The following PTPRG variants were observed in gnomAD, a reference collection of about 807,000 sequenced individuals.
The protein encoded by PTPRG is protein tyrosine phosphatase receptor type G.
A neutral mutation model predicts 165.3 loss-of-function variants in PTPRG; 102 were observed. The observed-to-expected ratio is 0.62, with a 90% CI of 0.53 to 0.73. PTPRG has a LOEUF of 0.73. PTPRG is among the 30% of genes least tolerant of loss of function. PTPRG has a pLI of 0.00. For missense variants in PTPRG, 1,866 were observed against 1,861.4 expected (o/e 1.00, Z -0.05); for synonymous variants, 675 against 669.5 (o/e 1.01, Z -0.13).
Position 61,743,002 on chromosome 3 carries a change from A to T in PTPRG, c.86-5876A>T, listed in dbSNP as rs143782418. 4.8e-4 allele frequency: 745 copies of T among 1,548,170 alleles called. 17 individuals carry two copies. In the East Asian group the frequency reaches 0.017, roughly 34 times the overall value. ...CTGGGGGTCATAGTTCTTCAAGCTGATCTGCAACTCCACCGTCTCCAGGAA... is the reference window on the plus strand; with the variant it reads ...CTGGGGGTCATAGTTCTTCAAGCTGTTCTGCAACTCCACCGTCTCCAGGAA... On this transcript the variant is annotated intron_variant, in intron 1 of 29. Transcript: ENST00000474889.
chr3:61,604,053 C>G (rs1226573338), intron 1 of PTPRG, among the ~76,000 whole-genome samples: 2 of 152,188 alleles, frequency 1.3e-5, no homozygotes, highest in African/African-American at 4.8e-5. Flanking sequence ...TGCCTGTAAA[C>G]CCAGCTCATG....
chr3:61,966,730 A>G (rs1254772679), intron 2 of PTPRG, among the ~76,000 whole-genome samples: 2 of 152,194 alleles, frequency 1.3e-5, no homozygotes, highest in East Asian at 1.9e-4. Flanking sequence ...AGCCAAATAG[A>G]CAGGTGGCTC....
intron 2 of PTPRG, among the ~76,000 whole-genome samples, chr3:61,988,930 T>C (rs76222792): frequency 0.045 from 6,877 of 152,306 alleles, 313 homozygotes; most frequent in East Asian, 0.13. Context: ...GCTTTCTTCA[T>C]TTATTTCTGT....
chr3:61,997,168 C>G (rs2041059021), intron 3 of PTPRG, among the ~76,000 whole-genome samples: 1 of 152,198 alleles, frequency 6.6e-6, no homozygotes, highest in Non-Finnish European at 1.5e-5. Flanking sequence ...TGAGGTTGCT[C>G]TTACTCAGCA....
intron 4 of PTPRG, among the ~76,000 whole-genome samples, chr3:62,049,743 A>G (rs540042227): frequency 9.3e-4 from 142 of 152,342 alleles, no homozygotes; most frequent in African/African-American, 3.3e-3. Flanking sequence ...TGGTAGGTCA[A>G]CGGGAATTCA....
Position 61,696,569 on chromosome 3 carries a change from A to G in PTPRG, c.86-52309A>G, listed in dbSNP as rs560871430. Among the ~76,000 whole-genome samples the G allele has an allele frequency of 2.0e-5, 3 of 152,344 alleles. No individual in the cohort carries two copies. In the South Asian group the frequency reaches 6.2e-4, roughly 32 times the overall value. ...GCAATGTGAGCCCACATTTGGTTTT[A>G]TAATCCTTTCTCACTGATGGACTGA... On this transcript the variant is annotated intron_variant, in intron 1 of 29. Coordinates refer to ENST00000474889, the MANE Select transcript of PTPRG (RefSeq NM_002841.4).
chr3:62,287,616 T>C (rs1382423529), intron 28 of PTPRG, among the ~76,000 whole-genome samples: 1 of 152,106 alleles, frequency 6.6e-6, no homozygotes, highest in Non-Finnish European at 1.5e-5. Context: ...AAGTTATCCA[T>C]GGGGCAATAA....
intron 4 of PTPRG, among the ~76,000 whole-genome samples, chr3:62,068,876 A>G (rs9864083): frequency 0.021 from 3,247 of 152,280 alleles, 103 homozygotes; most frequent in African/African-American, 0.075. Flanking sequence ...AACAGGAAAT[A>G]ATTAAGGATT....
chr3:61,752,802 G>GAAAAGAAAA (rs1553660820), intron 2 of PTPRG, among the ~76,000 whole-genome samples: 50,091 of 103,536 alleles, frequency 0.48, 11,113 homozygotes, highest in Non-Finnish European at 0.54. Flanking sequence ...AAAAAAAAAA[G>GAAAAGAAAA]AAAAAAAAAA....
At chr3:62,060,234 C>T (rs980927347) in intron 4 of PTPRG, among the ~76,000 whole-genome samples, 2 of 146,654 alleles carry the variant, frequency 1.4e-5, no homozygotes, top group Non-Finnish European at 3.0e-5. Flanking sequence ...AAAAAAAAAT[C>T]CTTCCTGCTG....
At chr3:61,685,703 C>G (rs1473633325) in intron 1 of PTPRG, among the ~76,000 whole-genome samples, 5 of 152,172 alleles carry the variant, frequency 3.3e-5, no homozygotes, top group African/African-American at 1.2e-4. Flanking sequence ...CTAGAGATAC[C>G]TCCACTATCT....
intron 1 of PTPRG, among the ~76,000 whole-genome samples, chr3:61,719,202 G>C (rs2031944884): frequency 6.6e-6 from 1 of 152,216 alleles, no homozygotes; most frequent in Non-Finnish European, 1.5e-5. Context: ...AATTGGATAT[G>C]AATTGTAGAA....
intron 2 of PTPRG, among the ~76,000 whole-genome samples, chr3:61,913,320 T>C (rs1315622833): frequency 6.6e-6 from 1 of 152,046 alleles, no homozygotes. Context: ...CCTGGGTTCA[T>C]GCCATTCTCC....
intron 5 of PTPRG, among the ~76,000 whole-genome samples, chr3:62,117,885 G>T (rs1325073001): frequency 6.6e-6 from 1 of 152,200 alleles, no homozygotes; most frequent in Non-Finnish European, 1.5e-5. Flanking sequence ...TTTGTTGAAT[G>T]TATGAATTAG....
intron 1 of PTPRG, among the ~76,000 whole-genome samples, chr3:61,610,399 C>T (rs1390219614): frequency 6.6e-6 from 1 of 152,092 alleles, no homozygotes; most frequent in African/African-American, 2.4e-5. Context: ...TTGTCATTGT[C>T]TCTTAGATTA....
At chr3:61,616,962 G>T (rs145697979) in intron 1 of PTPRG, among the ~76,000 whole-genome samples, 1 of 152,308 alleles carries the variant, frequency 6.6e-6, no homozygotes, top group Admixed American at 6.5e-5. Context: ...AGTAAGAGGG[G>T]CATAAAGTAG....
chr3:61,605,504 C>T (rs1171961182), intron 1 of PTPRG, among the ~76,000 whole-genome samples: 1 of 152,120 alleles, frequency 6.6e-6, no homozygotes, highest in African/African-American at 2.4e-5. Flanking sequence ...GATCTGTCCA[C>T]TTTGGCCTCC....
chr3:62,120,923 A>C (rs928823258), intron 5 of PTPRG, among the ~76,000 whole-genome samples: 3 of 151,754 alleles, frequency 2.0e-5, no homozygotes, highest in Non-Finnish European at 4.4e-5. Context: ...ATGCCTGCTT[A>C]TTTGGGAGAA....
intron 4 of PTPRG, among the ~76,000 whole-genome samples, chr3:62,070,311 G>T (rs1487563618): frequency 6.6e-6 from 1 of 152,182 alleles, no homozygotes; most frequent in Non-Finnish European, 1.5e-5. Context: ...ATTTACTCCA[G>T]CAGTTTAAAT....
Sources: gnomAD v4.1 joint callset for allele counts (sites outside exome capture counted in the v4.1 genomes callset) on GRCh38, gnomAD v4.1.1 for gene constraint, MANE v1.5 for transcripts, NCBI Gene and HGNC (gene_info 2026-07-23, HGNC 2026-07-21) for gene names.